Variants in MAPK8IP2 observed in about 807,000 individuals in gnomAD.
MAPK8IP2 encodes C-Jun-amino-terminal kinase-interacting protein 2.
Under a neutral mutation model 75.6 loss-of-function variants are expected in MAPK8IP2, and 15 were observed. That is an observed-to-expected ratio of 0.20 (90% CI 0.13 to 0.31). The LOEUF is 0.31. Among genes scored for constraint, MAPK8IP2 ranks in the 10% least tolerant of loss-of-function variants. MAPK8IP2 has a pLI of 1.00. For synonymous variants in MAPK8IP2, 632 were observed against 554.5 expected (o/e 1.14, Z -1.96); for missense variants, 1,089 against 1,211.2 (o/e 0.90, Z 1.50).
Position 50,604,887 on chromosome 22 carries a change from G to T in MAPK8IP2, c.1588G>T (p.Ala530Ser). The T allele has an allele frequency of 6.2e-7, 1 of 1,608,234 alleles. No homozygotes were observed. The highest frequency in any genetic ancestry group is 8.5e-7 in the Non-Finnish European group (1 of 1,178,288). Residue 530 changes from alanine to serine, a missense_variant, in exon 5 of 12, where the codon GCT becomes TCT. By Grantham distance (99) the Ala-to-Ser change is moderately conservative. This residue lies in a region of MAPK8IP2 where 960 missense variants were observed against 1,009.6 expected (regional missense o/e 0.95). Transcript: ENST00000329492. Reference sequence around the variant, plus strand: ...GGAGCTGGTGAGCCTGCGGCGCTGTGCTGGGCTGGGCCACGACAGCGAAGA... The same window carrying T: ...GGAGCTGGTGAGCCTGCGGCGCTGTTCTGGGCTGGGCCACGACAGCGAAGA... ...QLELVSLRRC[A>S]GLGHDSEEDS...
Position 50,602,039 on chromosome 22 carries a change from G to A in MAPK8IP2, c.171+145G>A, listed in dbSNP as rs2070947017. 4 of 654,244 alleles carry A rather than the reference G, an allele frequency of 6.1e-6. No individual in the cohort carries two copies. In the South Asian group the frequency reaches 7.1e-5, roughly 12 times the overall value. 40.5% of individuals were successfully genotyped at this position (654,244 alleles called of 1,614,324 possible). A position where few individuals can be genotyped will look rare whatever the true frequency, so the allele number is the denominator to read the frequency against. ...GATGGCTCCTCCCCACTTAACCCTT[G>A]AGGTTTCCTTGGTATCAACTCTCTC... On this transcript the variant is annotated intron_variant, in intron 2 of 11. Coordinates refer to ENST00000329492, the MANE Select transcript of MAPK8IP2 (RefSeq NM_012324.6).
At position 50,604,514 on chromosome 22, in the gene MAPK8IP2, C is replaced by G. The variant is rs952125744; in HGVS notation, c.1215C>G (p.Gly405=). 6.6e-6 allele frequency: 8 copies of G among 1,212,110 alleles called. No individual in the cohort carries two copies. Among genetic ancestry groups the G allele is most frequent in the Non-Finnish European group, 8.2e-6 (8 of 977,860 alleles). 75.1% of individuals were successfully genotyped at this position (1,212,110 alleles called of 1,614,324 possible). ...QDPEAAAGPG[G]VELVDMETLC... is the part of the protein sequence containing the mutation. Reference sequence around the variant, plus strand: ...CCGAGGCGGCCGCGGGGCCCGGCGGCGTGGAGCTGGTGGACATGGAGACGC... The same window carrying G: ...CCGAGGCGGCCGCGGGGCCCGGCGGGGTGGAGCTGGTGGACATGGAGACGC... The change falls in exon 5 of 12, where the codon GGC becomes GGG. Residue 405 remains glycine (G), a synonymous_variant. Coordinates refer to ENST00000329492, the MANE Select transcript of MAPK8IP2 (RefSeq NM_012324.6).
rs1484975213 is a variant in MAPK8IP2 at position 50,604,270 on chromosome 22, CCGA to C, written c.976_978del (p.Asp326del). ...CGCCCCGCCTTCCTGCCCGTGGGCC[CCGA>C]CGACACCAACAGCGAGTACGAGTCG... On this transcript the variant is annotated inframe_deletion, in exon 5 of 12. Transcript: ENST00000329492. 10 of 1,568,998 alleles carry C rather than the reference CCGA, an allele frequency of 6.4e-6. No homozygotes were observed. The highest frequency in any genetic ancestry group is 1.4e-5 in the African/African-American group (1 of 73,974).
chr22:50,603,292 T>A lies in MAPK8IP2; in HGVS notation c.241T>A (p.Phe81Ile). Reference sequence around the variant, plus strand: ...CTCCTTCCAGGATGACTTCCAGGAGTTTGAGATGATCGATGACAATGAAGA... The same window carrying A: ...CTCCTTCCAGGATGACTTCCAGGAGATTGAGATGATCGATGACAATGAAGA... Reference protein sequence around the residue: ...ICSFQDDFQEFEMIDDNEEED... With the variant: ...ICSFQDDFQEIEMIDDNEEED... Residue 81 changes from phenylalanine to isoleucine, a missense_variant, in exon 3 of 12, where the codon TTT becomes ATT. Coordinates refer to ENST00000329492, the MANE Select transcript of MAPK8IP2 (RefSeq NM_012324.6). 1 of 1,579,538 alleles carries A rather than the reference T, an allele frequency of 6.3e-7. No individual in the cohort carries two copies. The highest frequency in any genetic ancestry group is 8.6e-7 in the Non-Finnish European group (1 of 1,165,028).
rs1468685074 is a variant in MAPK8IP2, at chr22:50,610,937, C to T, written c.*158C>T. The T allele has an allele frequency of 6.5e-6, 4 of 618,964 alleles. 1 individual carries two copies. The highest frequency in any genetic ancestry group is 4.2e-5 in the South Asian group (2 of 47,918). The allele number at this position is 618,964 out of a possible 1,614,324, so 38.3% of individuals were successfully genotyped here. ...GGGCTGGGAACTCTCGTCCTCGGTCCCCAGGGCGCAGCTGTTGGGGCTGCG... is the reference window on the plus strand; with the variant it reads ...GGGCTGGGAACTCTCGTCCTCGGTCTCCAGGGCGCAGCTGTTGGGGCTGCG... On this transcript the variant is annotated 3_prime_UTR_variant, in exon 12 of 12. Transcript: ENST00000329492. This position sits in a 1 kb window ranked among gnomAD's most constrained non-coding sequence, Gnocchi z 4.3.
chr22:50,600,882 A>T lies in MAPK8IP2; in HGVS notation c.64A>T (p.Arg22Trp). ...TFHSLSPPGC[R>W]PPQDISLEEF... ...CCACTCGCTGTCGCCGCCGGGCTGC[A>T]GGTACCCCCCTCGGCGCCCGGGCCG... Residue 22 changes from arginine to tryptophan, a missense_variant and splice_region_variant, in exon 1 of 12, where the codon AGG becomes TGG. Around this residue, in one of 2 missense-constraint regions of MAPK8IP2, gnomAD observed 960 missense variants for 1,009.6 expected, o/e 0.95. Coordinates refer to ENST00000329492, the MANE Select transcript of MAPK8IP2 (RefSeq NM_012324.6). 7.9e-7 allele frequency: 1 copy of T among 1,267,076 alleles called. No individual in the cohort carries two copies. The highest frequency in any genetic ancestry group is 1.5e-5 in the South Asian group (1 of 68,284). The allele number at this position is 1,267,076 out of a possible 1,614,324, so 78.5% of individuals were successfully genotyped here.
At chr22:50,601,019 C>A (rs2070927684) in intron 1 of MAPK8IP2, 136 bp downstream of exon 1, 1 of 169,610 alleles carries the variant, frequency 5.9e-6, no homozygotes, top group South Asian at 2.1e-4. Context: ...CCCCTGCGGT[C>A]CCTGAGCCTC....
At position 50,607,067 on chromosome 22, in the gene MAPK8IP2, A is replaced by T; in HGVS notation, c.2303+76A>T. 3 of 1,200,262 alleles carry T rather than the reference A, an allele frequency of 2.5e-6. No individual in the cohort carries two copies. The highest frequency in any genetic ancestry group is 1.2e-5 in the South Asian group (1 of 81,960). The allele number at this position is 1,200,262 out of a possible 1,614,324, so 74.4% of individuals were successfully genotyped here. ...GAGTCCAACCGCCCCCTGAGTCCCC[A>T]CAGACCCTGAGGGCTGCCCGTGCCC... On this transcript the variant is annotated intron_variant, in intron 10 of 11. Coordinates refer to ENST00000329492, the MANE Select transcript of MAPK8IP2 (RefSeq NM_012324.6). This position sits in a 1 kb window ranked among gnomAD's most constrained non-coding sequence, Gnocchi z 5.6.
At chr22:50,605,337 T>TC in intron 5 of MAPK8IP2, 31 bp from the exon 6 acceptor site, 1 of 1,600,930 alleles carries the variant, frequency 6.2e-7, no homozygotes, top group South Asian at 1.1e-5. Flanking sequence ...TCTCCCTGTC[T>TC]CCCCCGCCTC....
At chr22:50,606,620 C>G in intron 8 of MAPK8IP2, 38 bp from the exon 9 acceptor site, 1 of 1,430,116 alleles carries the variant, frequency 7.0e-7, no homozygotes, top group African/African-American at 1.4e-5. Context: ...CCCTTGTGGG[C>G]TCCTCAAGAC....
chr22:50,604,937 G>C lies in MAPK8IP2; in HGVS notation c.1638G>C (p.Glu546Asp). ...AGGACAGCGGCGGGGAGGCCAGCGA[G>C]GAGGAGGCGGGCGCGGCGCTGCTAG... Reference protein sequence around the residue: ...SEEDSGGEASEEEAGAALLGG... With the variant: ...SEEDSGGEASDEEAGAALLGG... The change falls in exon 5 of 12, where the codon GAG (glutamate) becomes GAC (aspartate). Residue 546 changes from glutamate (E) to aspartate (D), a missense_variant. Around this residue, in one of 2 missense-constraint regions of MAPK8IP2, gnomAD observed 960 missense variants for 1,009.6 expected, o/e 0.95. Coordinates refer to ENST00000329492, the MANE Select transcript of MAPK8IP2 (RefSeq NM_012324.6). 2 of 1,610,312 alleles carry C rather than the reference G, an allele frequency of 1.2e-6. No homozygotes were observed. Among genetic ancestry groups the C allele is most frequent in the South Asian group, 2.2e-5 (2 of 90,932 alleles).
Position 50,612,943 on chromosome 22 carries a change from G to C in MAPK8IP2, c.*2164G>C, listed in dbSNP as rs1167747967. On this transcript the variant is annotated 3_prime_UTR_variant, in exon 12 of 12. Coordinates refer to ENST00000329492, the MANE Select transcript of MAPK8IP2 (RefSeq NM_012324.6). The stretch of plus-strand genomic sequence containing the variant: ...CTTCAGGTCTCTTTCCCTCCAGCCG[G>C]CCCTTAGGACGGCTGTTGGACGTGC... 2 of 28,372 alleles carry C rather than the reference G, an allele frequency of 7.0e-5. No individual in the cohort carries two copies. The highest frequency in any genetic ancestry group is 1.5e-4 in the Non-Finnish European group (2 of 13,360). The allele number at this position is 28,372 out of a possible 1,614,324, so 1.8% of individuals were successfully genotyped here. A position where few individuals can be genotyped will look rare whatever the true frequency, so the allele number is the denominator to read the frequency against.
Position 50,605,081 on chromosome 22 carries a change from G to C in MAPK8IP2, c.1765+17G>C, listed in dbSNP as rs773930134. 17 of 1,612,068 alleles carry C rather than the reference G, an allele frequency of 1.1e-5. No homozygotes were observed. Among genetic ancestry groups the C allele is most frequent in the Non-Finnish European group, 1.4e-5 (16 of 1,179,692 alleles). On this transcript the variant is annotated intron_variant, in intron 5 of 11. Transcript: ENST00000329492. Reference sequence around the variant, plus strand: ...GGTCCTCCAGTGAGTGAGAGGTGGGGAAAAGGGGGGTGGCCCAGAGGAAGG... The same window carrying C: ...GGTCCTCCAGTGAGTGAGAGGTGGGCAAAAGGGGGGTGGCCCAGAGGAAGG...
chr22:50,604,244 C>T lies in MAPK8IP2; in HGVS notation c.945C>T (p.Arg315=), dbSNP rs748840243. 26 of 1,564,600 alleles carry T rather than the reference C, an allele frequency of 1.7e-5. No homozygotes were observed. Among genetic ancestry groups the T allele is most frequent in the Non-Finnish European group, 2.0e-5 (23 of 1,163,580 alleles). Reference sequence around the variant, plus strand: ...CGGAGCCCCCGCGCGAACCCCCGCGCCGCCCCGCCTTCCTGCCCGTGGGCC... The same window carrying T: ...CGGAGCCCCCGCGCGAACCCCCGCGTCGCCCCGCCTTCCTGCCCGTGGGCC... ...SEPEPPREPP[R]RPAFLPVGPD... The change falls in exon 5 of 12, where the codon CGC becomes CGT. Residue 315 remains arginine, a synonymous_variant. Transcript: ENST00000329492.
At chr22:50,603,746 C>T (rs1265238395) in intron 4 of MAPK8IP2, 27 bp downstream of exon 4, 12 of 1,521,576 alleles carry the variant, frequency 7.9e-6, no homozygotes, top group Non-Finnish European at 1.1e-5. Context: ...CCGCGGGGCG[C>T]GGGGAAGCGG....
Position 50,610,638 on chromosome 22 carries a change from C to A in MAPK8IP2, c.2403-69C>A. ...GGAGGAAGGAGGGAGAGCTCAGAGGCTCTGTGGAAGGCAGTTTGGGGGTTG... is the reference window on the plus strand; with the variant it reads ...GGAGGAAGGAGGGAGAGCTCAGAGGATCTGTGGAAGGCAGTTTGGGGGTTG... On this transcript the variant is annotated intron_variant, in intron 11 of 11. Coordinates refer to ENST00000329492, the MANE Select transcript of MAPK8IP2 (RefSeq NM_012324.6). The surrounding 1 kb of genome is among the most constrained non-coding windows in gnomAD (Gnocchi z 4.3). 1 of 1,280,926 alleles carries A rather than the reference C, an allele frequency of 7.8e-7. No homozygotes were observed. The highest frequency in any genetic ancestry group is 1.1e-6 in the Non-Finnish European group (1 of 900,924). The allele number at this position is 1,280,926 out of a possible 1,614,324, so 79.3% of individuals were successfully genotyped here.
At chr22:50,603,523 C>T (rs747165649) in intron 3 of MAPK8IP2, 25 bp downstream of exon 3, 104 of 1,570,632 alleles carry the variant, frequency 6.6e-5, no homozygotes, top group Non-Finnish European at 8.7e-5. Flanking sequence ...CCACAGCTCC[C>T]TGGAGCTGAG....
At chr22:50,609,653 G>C (rs986313411) in intron 10 of MAPK8IP2, 2 of 429,592 alleles carry the variant, frequency 4.7e-6, no homozygotes, top group Non-Finnish European at 4.7e-6. Context: ...TCTCCCTCTG[G>C]ACGACGATTT....
At position 50,612,602 on chromosome 22, in the gene MAPK8IP2, A is replaced by C. The variant is rs917192704; in HGVS notation, c.*1823A>C. On this transcript the variant is annotated 3_prime_UTR_variant, in exon 12 of 12. Coordinates refer to ENST00000329492, the MANE Select transcript of MAPK8IP2 (RefSeq NM_012324.6). ...CAGACCTGAGGCCCCAGAGAGACCG[A>C]GGACGCAGACCAGTGGCACGACGGA... The C allele has an allele frequency of 6.6e-6, 1 of 152,378 alleles. No homozygotes were observed. The highest frequency in any genetic ancestry group is 2.4e-5 in the African/African-American group (1 of 41,474). 9.4% of individuals were successfully genotyped at this position (152,378 alleles called of 1,614,324 possible). A position where few individuals can be genotyped will look rare whatever the true frequency, so the allele number is the denominator to read the frequency against.
Sources: gnomAD v4.1 joint callset for allele counts on GRCh38, gnomAD v4.1.1 for gene constraint, gnomAD v4.1.1 regional missense constraint, Gnocchi (gnomAD v3.1) non-coding constraint, MANE v1.5 for transcripts, NCBI Gene and HGNC (gene_info 2026-07-23, HGNC 2026-07-21) for gene names.